Variants in SLC16A3 observed in about 807,000 individuals in gnomAD.
The protein encoded by SLC16A3 is monocarboxylate transporter 4.
In SLC16A3, 22 loss-of-function variants were observed where a neutral mutation model predicts 25.0. The observed-to-expected ratio is 0.88, with a 90% CI of 0.63 to 1.26. The LOEUF (loss-of-function observed/expected upper bound fraction) is 1.26, where lower values mean the gene tolerates loss of function less well. Among genes scored for constraint, SLC16A3 ranks in the 50% most tolerant of loss-of-function variants. SLC16A3 has a pLI of 0.00. For missense variants in SLC16A3, 731 were observed against 666.6 expected (o/e 1.10, Z -1.06); for synonymous variants, 390 against 309.2 (o/e 1.26, Z -2.74).
intron 1 of SLC16A3, among the ~76,000 whole-genome samples, chr17:82,219,667 T>C (rs927300095): frequency 1.2e-4 from 18 of 151,942 alleles, no homozygotes; most frequent in Admixed American, 8.5e-4. Context: ...GCCCCGCCTC[T>C]CAGTCTCGGA....
upstream of SLC16A3, among the ~76,000 whole-genome samples, chr17:82,224,694 G>A (rs546354328): frequency 1.2e-4 from 16 of 134,576 alleles, no homozygotes; most frequent in African/African-American, 4.2e-4. Flanking sequence ...CCCTACACCC[G>A]TGCACAGACA....
At chr17:82,228,689 A>C, upstream of SLC16A3, 1 of 152,018 alleles carries the variant, frequency 6.6e-6, no homozygotes, top group East Asian at 1.9e-4. Flanking sequence ...GGACGTTGGG[A>C]CCTGCCGCGC....
chr17:82,228,863 C>T (rs2050447947), upstream of SLC16A3, among the ~76,000 whole-genome samples: 1 of 150,824 alleles, frequency 6.6e-6, no homozygotes, highest in East Asian at 2.0e-4. Context: ...TGGGGGGGTC[C>T]CTGGGCCCGG....
At chr17:82,231,575 C>T (rs1435267875) in intron 1 of SLC16A3, 1 of 152,352 alleles carries the variant, frequency 6.6e-6, no homozygotes, top group African/African-American at 2.4e-5. Flanking sequence ...GCCCCCACCA[C>T]CTCCCGGCCC....
At chr17:82,225,815 G>T (rs865960514), upstream of SLC16A3, among the ~76,000 whole-genome samples, 9 of 152,180 alleles carry the variant, frequency 5.9e-5, no homozygotes, top group African/African-American at 1.9e-4. Flanking sequence ...ACCCTGGAAG[G>T]TTCCCTGGGA....
intron 1 of SLC16A3, chr17:82,234,119 C>T (rs9674487): frequency 0.22 from 33,933 of 152,054 alleles, 4,748 homozygotes; most frequent in African/African-American, 0.4. Flanking sequence ...GGATTACAGG[C>T]GTGAGCCACC....
intron 1 of SLC16A3, among the ~76,000 whole-genome samples, chr17:82,223,224 C>T (rs2050400237): frequency 6.6e-6 from 1 of 152,064 alleles, no homozygotes; most frequent in African/African-American, 2.4e-5. Flanking sequence ...TCTTTGTTAC[C>T]CAGGCTGGAG....
rs1353570098 is a variant in SLC16A3, at chr17:82,239,260, A to T, written c.*284A>T. The T allele has an allele frequency of 6.6e-6, 1 of 152,638 alleles. No individual in the cohort carries two copies. Among genetic ancestry groups the T allele is most frequent in the African/African-American group, 2.6e-5 (1 of 38,898 alleles). The allele number at this position is 152,638 out of a possible 1,614,324, so 9.5% of individuals were successfully genotyped here. ...GTGGCCTGCGGCCACTGCTATGCTCAAGGACCTGGAAACCCATGCTTCGAG... is the reference window on the plus strand; with the variant it reads ...GTGGCCTGCGGCCACTGCTATGCTCTAGGACCTGGAAACCCATGCTTCGAG... On this transcript the variant is annotated 3_prime_UTR_variant, in exon 5 of 5. Transcript: ENST00000582743.
chr17:82,235,642 C>T (rs914425006), intron 1 of SLC16A3: 1 of 359,220 alleles, frequency 2.8e-6, no homozygotes, highest in Non-Finnish European at 5.4e-6. Flanking sequence ...TCAGCCAGAG[C>T]GAGCCAGGGC....
chr17:82,239,134 TGGC>T lies in SLC16A3; in HGVS notation c.*161_*163del, dbSNP rs2050699157. ...CCGATCAGTGTTTTGAGGGGGAAGG[TGGC>T]GGGGTGGGAACCGTGTCATTCCAGA... On this transcript the variant is annotated 3_prime_UTR_variant, in exon 5 of 5. Transcript: ENST00000582743. The T allele has an allele frequency of 8.9e-6, 6 of 672,524 alleles. No individual in the cohort carries two copies. Among genetic ancestry groups the T allele is most frequent in the Non-Finnish European group, 1.2e-5 (5 of 424,684 alleles). The allele number at this position is 672,524 out of a possible 1,614,324, so 41.7% of individuals were successfully genotyped here. A position where few individuals can be genotyped will look rare whatever the true frequency, so the allele number is the denominator to read the frequency against.
chr17:82,235,953 C>A (rs1387887791), intron 1 of SLC16A3, 30 bp from the exon 2 acceptor site: 2 of 1,464,054 alleles, frequency 1.4e-6, no homozygotes, highest in Non-Finnish European at 1.9e-6. Flanking sequence ...GTCACCCGGG[C>A]AGCCTGAGTC....
intron 1 of SLC16A3, chr17:82,234,480 A>G (rs907243430): frequency 5.3e-5 from 8 of 152,226 alleles, no homozygotes; most frequent in Admixed American, 1.3e-4. Flanking sequence ...CTGCCTTGTC[A>G]TCATCCAGAC....
intron 1 of SLC16A3, among the ~76,000 whole-genome samples, chr17:82,222,620 A>G (rs2050396018): frequency 6.6e-6 from 1 of 152,114 alleles, no homozygotes; most frequent in South Asian, 2.1e-4. Context: ...CGTGACCAAC[A>G]TGGTGAAACC....
rs1302591985 is a variant in SLC16A3, at chr17:82,239,029, C to T, written c.*53C>T. 4.8e-6 allele frequency: 7 copies of T among 1,473,012 alleles called. No homozygotes were observed. The highest frequency in any genetic ancestry group is 6.3e-6 in the Non-Finnish European group (7 of 1,106,710). The allele number at this position is 1,473,012 out of a possible 1,614,324, so 91.2% of individuals were successfully genotyped here. On this transcript the variant is annotated 3_prime_UTR_variant, in exon 5 of 5. Coordinates refer to ENST00000582743, the MANE Select transcript of SLC16A3 (RefSeq NM_004207.4). ...GGAGGAGGTACAGAAGCCGGCAACG[C>T]TTGCTATTTATTTTACAAACTGGAC...
Position 82,238,856 on chromosome 17 carries a change from GGA to G in SLC16A3, c.1281_1282del (p.Lys428AlafsTer22). The G allele has an allele frequency of 6.2e-7, 1 of 1,612,496 alleles. No individual in the cohort carries two copies. The highest frequency in any genetic ancestry group is 8.5e-7 in the Non-Finnish European group (1 of 1,179,602). ...PQPEVAAAEE[E>X]KLHKPPADSG... ...AGCCTGAGGTGGCGGCCGCGGAGGA[GGA>G]GAAGCTCCACAAGCCTCCTGCAGAC... On this transcript the variant is annotated frameshift_variant, in exon 5 of 5. Coordinates refer to ENST00000582743, the MANE Select transcript of SLC16A3 (RefSeq NM_004207.4). LOFTEE classifies it high-confidence loss of function.
Position 82,238,822 on chromosome 17 carries a change from A to G in SLC16A3, c.1244A>G (p.Lys415Arg), listed in dbSNP as rs761521480. Residue 415 changes from lysine (K) to arginine (R), a missense_variant, in exon 5 of 5, where the codon AAA becomes AGA. Lys to Arg is a conservative substitution (Grantham distance 26). Coordinates refer to ENST00000582743, the MANE Select transcript of SLC16A3 (RefSeq NM_004207.4). ...GNFFCIRKKP[K>R]EPQPEVAAAE... is the part of the protein sequence containing the mutation. Reference sequence around the variant, plus strand: ...TTCTTCTGCATTAGGAAGAAGCCCAAAGAGCCACAGCCTGAGGTGGCGGCC... The same window carrying G: ...TTCTTCTGCATTAGGAAGAAGCCCAGAGAGCCACAGCCTGAGGTGGCGGCC... 5 of 1,612,904 alleles carry G rather than the reference A, an allele frequency of 3.1e-6. No homozygotes were observed. The highest frequency in any genetic ancestry group is 4.2e-6 in the Non-Finnish European group (5 of 1,179,942).
chr17:82,232,421 A>G (rs1316831298), intron 1 of SLC16A3: 2 of 152,536 alleles, frequency 1.3e-5, no homozygotes, highest in Non-Finnish European at 2.9e-5. Context: ...AGTGCCCCCC[A>G]AGGTGGTGGG....
At position 82,220,007 on chromosome 17, in the gene SLC16A3, G is replaced by A. The variant is rs552212130; in HGVS notation, c.-27+1823G>A. ...TCCAGGATGCTGGACGCTCAGGGCCGGGGGGGCCCTTTCACAGCAGGTTGG... is the reference window on the plus strand; with the variant it reads ...TCCAGGATGCTGGACGCTCAGGGCCAGGGGGGCCCTTTCACAGCAGGTTGG... On this transcript the variant is annotated intron_variant, in intron 1 of 4. Coordinates refer to the SLC16A3 transcript ENST00000580098. Among the ~76,000 whole-genome samples the A allele has an allele frequency of 3.9e-5, 6 of 152,004 alleles. No individual in the cohort carries two copies. In the South Asian group the frequency reaches 8.3e-4, roughly 21 times the overall value.
At chr17:82,221,337 G>A (rs4789784) in intron 1 of SLC16A3, among the ~76,000 whole-genome samples, 115,216 of 152,036 alleles carry the variant, frequency 0.76, 44,345 homozygotes, top group East Asian at 0.93. Flanking sequence ...AGGCAGGCGA[G>A]TCACTTCAGC....
Sources: allele counts gnomAD v4.1 joint callset (sites outside exome capture counted in the v4.1 genomes callset), GRCh38; gene constraint gnomAD v4.1.1; transcripts MANE v1.5; gene names NCBI Gene and HGNC (gene_info 2026-07-23, HGNC 2026-07-21).